ATF7: variants seen among roughly 807,000 people sequenced by gnomAD.
The protein encoded by ATF7 is cyclic AMP-dependent transcription factor ATF-7.
Under a neutral mutation model 50.4 loss-of-function variants are expected in ATF7, and 10 were observed. The observed-to-expected ratio is 0.20, with a 90% CI of 0.12 to 0.34. The LOEUF (loss-of-function observed/expected upper bound fraction) is 0.34. Ranked by LOEUF, ATF7 falls within the 10% of genes least tolerant of loss-of-function variation. ATF7 has a pLI of 1.00. For synonymous variants in ATF7, 201 were observed against 226.4 expected, an observed-to-expected ratio of 0.89 and a Z score of 1.01; for missense variants, 465 against 613.9, an observed-to-expected ratio of 0.76 and a Z score of 2.56.
At chr12:53,575,368 T>C (rs1033694452) in intron 2 of ATF7, among the ~76,000 whole-genome samples, 53 of 147,306 alleles carry the variant, frequency 3.6e-4, no homozygotes, top group Admixed American at 1.2e-3. Context: ...GATTGTGCCA[T>C]TGCACTCCAG....
chr12:53,546,932 AT>A (rs1048973909), intron 3 of ATF7, among the ~76,000 whole-genome samples: 1 of 114,166 alleles, frequency 8.8e-6, no homozygotes, highest in African/African-American at 3.3e-5. Flanking sequence ...TAATTTTTGT[AT>A]TTTTTTGTAG....
At chr12:53,602,354 G>A (rs1437406627) in intron 1 of ATF7, among the ~76,000 whole-genome samples, 1 of 152,180 alleles carries the variant, frequency 6.6e-6, no homozygotes, top group Non-Finnish European at 1.5e-5. Context: ...ATGTTAACGT[G>A]CTAGACTGAA....
chr12:53,531,789 C>G lies in ATF7; in HGVS notation c.882G>C (p.Gln294His), dbSNP rs139241958. The change falls in exon 9 of 12, where the codon CAG becomes CAC. Residue 294 changes from glutamine (Q) to histidine (H), a missense_variant. Coordinates refer to ENST00000420353, the MANE Select transcript of ATF7 (RefSeq NM_006856.3). ...GGGCATCAGGGTGCTGGATGAGAAT[C>G]TGGCTCTGCTCTGGGCGGGCTGTCA... is the stretch of plus-strand genomic sequence containing the variant. ...TMVTARPEQS[Q>H]ILIQHPDAPS... is the part of the protein sequence containing the mutation. 1.9e-6 allele frequency: 3 copies of G among 1,612,504 alleles called. No homozygotes were observed. In the South Asian group the frequency reaches 3.3e-5, roughly 18 times the overall value.
chr12:53,529,304 A>G (rs1458381529), intron 9 of ATF7, among the ~76,000 whole-genome samples: 1 of 152,126 alleles, frequency 6.6e-6, no homozygotes, highest in Non-Finnish European at 1.5e-5. Context: ...GGTTCAAGCG[A>G]TTCTCATGCC....
intron 6 of ATF7, among the ~76,000 whole-genome samples, chr12:53,533,882 C>T (rs1939053493): frequency 6.6e-6 from 1 of 152,152 alleles, no homozygotes; most frequent in African/African-American, 2.4e-5. Context: ...CAGTAGTACC[C>T]CAATAGACTT....
At chr12:53,520,561 CTA>C (rs1938057606) in intron 11 of ATF7, among the ~76,000 whole-genome samples, 1 of 152,114 alleles carries the variant, frequency 6.6e-6, no homozygotes, top group Admixed American at 6.5e-5. Flanking sequence ...CCAAAACTAG[CTA>C]TATGCTGCCG....
chr12:53,617,608 G>C (rs746766651), intron 1 of ATF7, among the ~76,000 whole-genome samples: 6 of 152,082 alleles, frequency 3.9e-5, no homozygotes, highest in Non-Finnish European at 8.8e-5. Flanking sequence ...CAGCCTGGGT[G>C]ACAGAGCAAG....
At chr12:53,623,002 G>A (rs2137957771) in intron 1 of ATF7, among the ~76,000 whole-genome samples, 1 of 152,278 alleles carries the variant, frequency 6.6e-6, no homozygotes, top group East Asian at 1.9e-4. Flanking sequence ...GGGCAACATA[G>A]CGAGACCCTG....
chr12:53,598,908 C>A (rs1413671060), intron 2 of ATF7, among the ~76,000 whole-genome samples: 1 of 152,072 alleles, frequency 6.6e-6, no homozygotes, highest in Admixed American at 6.6e-5. Context: ...AAAAATAAAT[C>A]TTTTCACCAA....
At chr12:53,572,409 G>C (rs940414757) in intron 2 of ATF7, among the ~76,000 whole-genome samples, 2 of 152,294 alleles carry the variant, frequency 1.3e-5, no homozygotes, top group African/African-American at 4.8e-5. Flanking sequence ...GATGAAGCTA[G>C]AGGCCAAGTG....
At chr12:53,511,642 G>C (rs1389536898), downstream of ATF7, among the ~76,000 whole-genome samples, 2 of 152,192 alleles carry the variant, frequency 1.3e-5, no homozygotes, top group Non-Finnish European at 2.9e-5. Flanking sequence ...TTGTCTGTGT[G>C]TGTGCTCCCT....
chr12:53,589,720 C>G (rs1942864646), intron 2 of ATF7, among the ~76,000 whole-genome samples: 1 of 152,114 alleles, frequency 6.6e-6, no homozygotes, highest in Non-Finnish European at 1.5e-5. Context: ...AGATCCTACT[C>G]CGTACCAACG....
At chr12:53,553,204 A>C (rs925779248) in intron 2 of ATF7, among the ~76,000 whole-genome samples, 1 of 152,186 alleles carries the variant, frequency 6.6e-6, no homozygotes, top group African/African-American at 2.4e-5. Context: ...ATGAGCCAGG[A>C]TGGAGCTGTA....
chr12:53,597,486 A>G (rs996546586), intron 2 of ATF7, among the ~76,000 whole-genome samples: 2 of 152,168 alleles, frequency 1.3e-5, no homozygotes, highest in Non-Finnish European at 2.9e-5. Flanking sequence ...TATTGACATA[A>G]TGCAAGGTTC....
In ATF7 at chr12:53,532,556, C is replaced by T. The variant is rs1000723515; in HGVS notation, c.728G>A (p.Gly243Asp). Residue 243 changes from glycine to aspartate, a missense_variant, in exon 8 of 12, where the codon GGC becomes GAC. Gly to Asp is a moderately conservative substitution (Grantham distance 94, BLOSUM62 -1). Coordinates refer to ENST00000420353, the MANE Select transcript of ATF7 (RefSeq NM_006856.3). Reference protein sequence around the residue: ...GIPGPPVNSSGSISPSGHPIP... With the variant: ...GIPGPPVNSSDSISPSGHPIP... ...AGGGTGGCCAGAGGGAGAAATGGAG[C>T]CACTACTGTTAACTGGTGGGCCAGG... 1.2e-6 allele frequency: 2 copies of T among 1,608,698 alleles called. No homozygotes were observed. The highest frequency in any genetic ancestry group is 2.2e-5 in the East Asian group (1 of 44,762).
intron 1 of ATF7, among the ~76,000 whole-genome samples, chr12:53,616,014 T>C (rs913262929): frequency 3.3e-5 from 5 of 152,150 alleles, no homozygotes; most frequent in African/African-American, 9.7e-5. Context: ...TCCCCAAAAA[T>C]TGACCGGTTT....
At chr12:53,611,055 T>C (rs1378321968) in intron 1 of ATF7, among the ~76,000 whole-genome samples, 1 of 152,070 alleles carries the variant, frequency 6.6e-6, no homozygotes, top group African/African-American at 2.4e-5. Flanking sequence ...TCAAAATTCC[T>C]GGGCTCAAGC....
At chr12:53,526,030 G>T (rs1335325856) in intron 9 of ATF7, among the ~76,000 whole-genome samples, 2 of 151,884 alleles carry the variant, frequency 1.3e-5, no homozygotes, top group Non-Finnish European at 2.9e-5. Context: ...GACCAACATG[G>T]AGAAACCCCA....
At chr12:53,555,485 ATATAAT>A (rs1309056597) in intron 2 of ATF7, among the ~76,000 whole-genome samples, 3 of 147,454 alleles carry the variant, frequency 2.0e-5, no homozygotes, top group East Asian at 4.1e-4. Context: ...GAAGAAAATA[ATATAAT>A]TTTTTTTTTT....
Sources: allele counts gnomAD v4.1 joint callset (sites outside exome capture counted in the v4.1 genomes callset), GRCh38; gene constraint gnomAD v4.1.1; transcripts MANE v1.5; gene names NCBI Gene and HGNC (gene_info 2026-07-23, HGNC 2026-07-21).